The following OTUD7B variants were observed in gnomAD, a reference collection of about 807,000 sequenced individuals.
The protein encoded by OTUD7B is OTU deubiquitinase 7B.
OTUD7B carries 34 observed loss-of-function variants against 82.2 expected under a neutral mutation model. That is an observed-to-expected ratio of 0.41 (90% CI 0.31 to 0.55). The LOEUF (loss-of-function observed/expected upper bound fraction) is 0.55. Among genes scored for constraint, OTUD7B ranks in the 20% least tolerant of loss-of-function variants. OTUD7B has a pLI of 0.20. For synonymous variants in OTUD7B, 398 were observed against 402.7 expected (o/e 0.99, Z 0.14); for missense variants, 944 against 1,062.1 (o/e 0.89, Z 1.55).
Position 149,947,301 on chromosome 1 carries a change from G to A in OTUD7B, c.1273C>T (p.Leu425=), listed in dbSNP as rs782178516. 1.9e-6 allele frequency: 3 copies of A among 1,610,408 alleles called. No homozygotes were observed. The highest frequency in any genetic ancestry group is 1.7e-4 in the Middle Eastern group (1 of 6,054). ...ILSLEVKLHL[L]HSYMNVKWIP... ...CACTTCACATTCATGTAGCTATGCA[G>A]CAGATGCAATTTGACCTCTAGGGAC... Residue 425 remains leucine, a synonymous_variant, in exon 11 of 12, where the codon CTG becomes TTG. Coordinates refer to ENST00000581312, the MANE Select transcript of OTUD7B (RefSeq NM_020205.4).
At chr1:149,982,230 T>C (rs1553779874) in intron 1 of OTUD7B, among the ~76,000 whole-genome samples, 1 of 117,184 alleles carries the variant, frequency 8.5e-6, no homozygotes, top group African/African-American at 3.4e-5. Context: ...GCAGGTCTCA[T>C]TATTCCCAAT....
chr1:149,975,217 G>A (rs1259707888), intron 2 of OTUD7B, among the ~76,000 whole-genome samples: 1 of 152,012 alleles, frequency 6.6e-6, no homozygotes, highest in Non-Finnish European at 1.5e-5. Flanking sequence ...ATCACTCCTC[G>A]GAAAAGGCCT....
chr1:149,975,078 GT>G (rs1650215862), intron 2 of OTUD7B, among the ~76,000 whole-genome samples: 1 of 152,022 alleles, frequency 6.6e-6, no homozygotes, highest in Admixed American at 6.6e-5. Flanking sequence ...ATTATTAATA[GT>G]TTCTCCAATG....
intron 2 of OTUD7B, among the ~76,000 whole-genome samples, chr1:149,975,072 T>C (rs1484958784): frequency 3.9e-5 from 6 of 152,156 alleles, no homozygotes; most frequent in Admixed American, 3.9e-4. Flanking sequence ...TACCTCATTA[T>C]TAATAGTTTC....
intron 3 of OTUD7B, among the ~76,000 whole-genome samples, chr1:149,968,854 G>A (rs1649701448): frequency 6.6e-6 from 1 of 151,932 alleles, no homozygotes; most frequent in African/African-American, 2.4e-5. Flanking sequence ...AGGATTACAG[G>A]CACACGCCAC....
At chr1:149,999,072 T>C (rs782105965) in intron 1 of OTUD7B, among the ~76,000 whole-genome samples, 1 of 152,222 alleles carries the variant, frequency 6.6e-6, no homozygotes, top group African/African-American at 2.4e-5. Flanking sequence ...ATCTCCTTAG[T>C]GCATTGTCCC....
the OTUD7B span, among the ~76,000 whole-genome samples, chr1:150,065,265 A>G: frequency 0.034 from 5,181 of 152,064 alleles, 242 homozygotes; most frequent in African/African-American, 0.11. Flanking sequence ...GTACAGACAG[A>G]GTTTCATCAT....
At chr1:150,018,743 G>A in the OTUD7B span, among the ~76,000 whole-genome samples, 1 of 152,108 alleles carries the variant, frequency 6.6e-6, no homozygotes, top group African/African-American at 2.4e-5. Context: ...AGGTGTAAAG[G>A]ACAAGGCAGC....
rs146348969 is a variant in OTUD7B at position 149,976,387 on chromosome 1, G to A, written c.85+1039C>T. Among the ~76,000 whole-genome samples, 1,361 of 150,896 alleles carry A rather than the reference G, an allele frequency of 9.0e-3. 16 individuals are homozygous for A. The highest frequency in any genetic ancestry group is 0.032 in the African/African-American group (1,304 of 41,084). ...CACTTTGGGAGAGGCCGAGGCAGGCGGATCACCTGAGGTCGGGAGTTCGAG... is the reference window on the plus strand; with the variant it reads ...CACTTTGGGAGAGGCCGAGGCAGGCAGATCACCTGAGGTCGGGAGTTCGAG... On this transcript the variant is annotated intron_variant, in intron 2 of 11. Coordinates refer to ENST00000581312, the MANE Select transcript of OTUD7B (RefSeq NM_020205.4).
At chr1:150,020,638 T>C in the OTUD7B span, among the ~76,000 whole-genome samples, 1 of 152,198 alleles carries the variant, frequency 6.6e-6, no homozygotes, top group East Asian at 1.9e-4. Flanking sequence ...TAGTCCTATT[T>C]AAAATTAAAA....
At chr1:149,959,013 G>A (rs1553775124) in intron 7 of OTUD7B, among the ~76,000 whole-genome samples, 1 of 151,944 alleles carries the variant, frequency 6.6e-6, no homozygotes, top group East Asian at 1.9e-4. Context: ...CTTGAGGCCA[G>A]GAGTTTGAGA....
In OTUD7B at chr1:149,971,213, C is replaced by G. The variant is rs781945447; in HGVS notation, c.124G>C (p.Glu42Gln). Reference protein sequence around the residue: ...WDVNAALSDFEQLRQVHAGNL... With the variant: ...WDVNAALSDFQQLRQVHAGNL... ...CCAGCATGGACTTGACGTAGCTGTT[C>G]AAAATCACTGAGGGCGGCATTCACA... Residue 42 changes from glutamate (E) to glutamine (Q), a missense_variant, in exon 3 of 12, where the codon GAA becomes CAA. Glu to Gln is a conservative substitution (Grantham distance 29, BLOSUM62 2). Around this residue, in one of 3 missense-constraint regions of OTUD7B, gnomAD observed 530 missense variants for 625.6 expected, o/e 0.85. Coordinates refer to ENST00000581312, the MANE Select transcript of OTUD7B (RefSeq NM_020205.4). 1 of 1,612,508 alleles carries G rather than the reference C, an allele frequency of 6.2e-7. No individual in the cohort carries two copies. Among genetic ancestry groups the G allele is most frequent in the African/African-American group, 1.3e-5 (1 of 74,990 alleles).
At chr1:150,067,525 G>A in the OTUD7B span, 1 of 310,282 alleles carries the variant, frequency 3.2e-6, no homozygotes, top group Non-Finnish European at 5.9e-6. Context: ...ACTCTCTTGG[G>A]CTTCAGGCTG....
the OTUD7B span, among the ~76,000 whole-genome samples, chr1:150,029,275 T>A: frequency 6.6e-6 from 1 of 151,906 alleles, no homozygotes. Flanking sequence ...AAAACAACAA[T>A]CCCTACTGTG....
At chr1:150,034,944 A>C in the OTUD7B span, among the ~76,000 whole-genome samples, 1 of 152,050 alleles carries the variant, frequency 6.6e-6, no homozygotes, top group Non-Finnish European at 1.5e-5. Context: ...GGAGTTTGAG[A>C]CCACCCTGGC....
chr1:149,997,452 T>TC (rs1421212796), intron 1 of OTUD7B, among the ~76,000 whole-genome samples: 2 of 152,266 alleles, frequency 1.3e-5, no homozygotes, highest in African/African-American at 4.8e-5. Context: ...AAAGCTCTCT[T>TC]CCTTTTACTA....
At chr1:150,039,695 G>C in the OTUD7B span, among the ~76,000 whole-genome samples, 1 of 152,168 alleles carries the variant, frequency 6.6e-6, no homozygotes, top group African/African-American at 2.4e-5. Context: ...GTTTTAAAGT[G>C]TCTTTCAGAA....
At chr1:149,949,217 C>G (rs1553772789) in intron 9 of OTUD7B, 134 bp from the exon 10 acceptor site, 1 of 625,290 alleles carries the variant, frequency 1.6e-6, no homozygotes, top group East Asian at 2.8e-5. Context: ...TGAATTACCC[C>G]GGTATTAAAA....
intron 7 of OTUD7B, among the ~76,000 whole-genome samples, chr1:149,959,193 C>T (rs1276991390): frequency 6.6e-6 from 1 of 150,980 alleles, no homozygotes; most frequent in Non-Finnish European, 1.5e-5. Flanking sequence ...TGCACTCCAG[C>T]CTGGGCAACA....
Sources: gnomAD v4.1 joint callset for allele counts (sites outside exome capture counted in the v4.1 genomes callset) on GRCh38, gnomAD v4.1.1 for gene constraint, gnomAD v4.1.1 regional missense constraint, MANE v1.5 for transcripts, NCBI Gene and HGNC (gene_info 2026-07-23, HGNC 2026-07-21) for gene names.